The following CNTNAP2 variants were observed in gnomAD, a reference collection of about 807,000 sequenced individuals.
CNTNAP2 encodes contactin-associated protein-like 2.
In CNTNAP2, 98 loss-of-function variants were observed where a neutral mutation model predicts 155.2. That is an observed-to-expected ratio of 0.63 (90% CI 0.54 to 0.75). The LOEUF (loss-of-function observed/expected upper bound fraction) is 0.75. Ranked by LOEUF, CNTNAP2 falls within the 30% of genes least tolerant of loss-of-function variation. The pLI, the probability that CNTNAP2 is intolerant of heterozygous loss-of-function variation, is 0.00. For missense variants in CNTNAP2, 1,727 were observed against 1,688.1 expected, an observed-to-expected ratio of 1.02 and a Z score of -0.40; for synonymous variants, 651 against 631.2, an observed-to-expected ratio of 1.03 and a Z score of -0.47.
At position 146,839,275 on chromosome 7, in the gene CNTNAP2, A is replaced by G. The variant is rs924357745; in HGVS notation, c.209-436A>G. The stretch of plus-strand genomic sequence containing the variant: ...TTCTACTTTACTTCACAAGAAAAAT[A>G]TATTTTAGAATTGTGTATAATTGCT... On this transcript the variant is annotated intron_variant, in intron 2 of 23. Transcript: ENST00000361727. Among the ~76,000 whole-genome samples, 4 of 152,254 alleles carry G rather than the reference A, an allele frequency of 2.6e-5. No homozygotes were observed. In the South Asian group the frequency reaches 6.2e-4, roughly 24 times the overall value.
chr7:146,414,601 T>C (rs1212525839), intron 1 of CNTNAP2, among the ~76,000 whole-genome samples: 1 of 152,144 alleles, frequency 6.6e-6, no homozygotes, highest in Non-Finnish European at 1.5e-5. Flanking sequence ...GATCCTATTG[T>C]TATTTCGAGT....
At chr7:147,953,841 G>A (rs1385961383) in intron 14 of CNTNAP2, among the ~76,000 whole-genome samples, 1 of 152,096 alleles carries the variant, frequency 6.6e-6, no homozygotes, top group Non-Finnish European at 1.5e-5. Context: ...CATTCTCTCT[G>A]TGTTTTCTGT....
intron 3 of CNTNAP2, among the ~76,000 whole-genome samples, chr7:146,936,957 A>G (rs1563010983): frequency 6.6e-6 from 1 of 152,222 alleles, no homozygotes; most frequent in Non-Finnish European, 1.5e-5. Context: ...AATTTAAAAT[A>G]AAATAAAATG....
At chr7:146,610,563 A>C (rs1043475332) in intron 1 of CNTNAP2, among the ~76,000 whole-genome samples, 1 of 152,200 alleles carries the variant, frequency 6.6e-6, no homozygotes, top group Non-Finnish European at 1.5e-5. Flanking sequence ...GAAAGTAGTT[A>C]ATTTAATATT....
chr7:147,134,040 C>T (rs1801430062), intron 8 of CNTNAP2, among the ~76,000 whole-genome samples: 1 of 151,876 alleles, frequency 6.6e-6, no homozygotes, highest in African/African-American at 2.4e-5. Flanking sequence ...TTGAAAAACT[C>T]CCACATTATA....
chr7:147,933,037 A>G (rs186522093), intron 14 of CNTNAP2, among the ~76,000 whole-genome samples: 1 of 144,894 alleles, frequency 6.9e-6, no homozygotes, highest in Non-Finnish European at 1.5e-5. Flanking sequence ...TAGGGTGGCT[A>G]TTGGTTTTTA....
chr7:147,820,030 C>T (rs1291979693), intron 13 of CNTNAP2, among the ~76,000 whole-genome samples: 1 of 151,992 alleles, frequency 6.6e-6, no homozygotes, highest in Non-Finnish European at 1.5e-5. Context: ...AGTGGAATTG[C>T]TAGGTCATAA....
At chr7:147,474,425 T>A (rs1798280004) in intron 10 of CNTNAP2, among the ~76,000 whole-genome samples, 1 of 151,994 alleles carries the variant, frequency 6.6e-6, no homozygotes, top group Non-Finnish European at 1.5e-5. Context: ...TGAAACCCCG[T>A]CTCTACTTAA....
At chr7:147,302,239 C>G (rs1165643617) in intron 9 of CNTNAP2, among the ~76,000 whole-genome samples, 1 of 152,210 alleles carries the variant, frequency 6.6e-6, no homozygotes, top group Admixed American at 6.5e-5. Context: ...TACTGATAAT[C>G]TCTGCTGATC....
At chr7:147,601,636 T>TA (rs370619019) in intron 12 of CNTNAP2, among the ~76,000 whole-genome samples, 17,778 of 68,098 alleles carry the variant, frequency 0.26, 1,596 homozygotes, top group Middle Eastern at 0.4. Flanking sequence ...CATTGACTCT[T>TA]AAAAAAAAAT....
At chr7:146,968,293 T>A (rs1372228334) in intron 3 of CNTNAP2, among the ~76,000 whole-genome samples, 7 of 152,074 alleles carry the variant, frequency 4.6e-5, no homozygotes, top group African/African-American at 7.2e-5. Context: ...TGTCTCTGCC[T>A]GGCTTTGGTA....
chr7:146,736,504 G>A (rs764568836), intron 1 of CNTNAP2, among the ~76,000 whole-genome samples: 21 of 152,090 alleles, frequency 1.4e-4, no homozygotes, highest in Non-Finnish European at 2.2e-4. Flanking sequence ...CACATCTGAG[G>A]GAAGAACTGT....
intron 3 of CNTNAP2, among the ~76,000 whole-genome samples, chr7:146,908,272 A>G (rs1165813372): frequency 6.6e-6 from 1 of 151,156 alleles, no homozygotes; most frequent in Admixed American, 6.6e-5. Flanking sequence ...GATACCCAGG[A>G]ATTGAACTCA....
chr7:147,456,605 C>A (rs1265824297), intron 10 of CNTNAP2, among the ~76,000 whole-genome samples: 1 of 151,986 alleles, frequency 6.6e-6, no homozygotes, highest in Non-Finnish European at 1.5e-5. Context: ...GAGGAAACAT[C>A]TCAGTAGAGA....
intron 13 of CNTNAP2, among the ~76,000 whole-genome samples, chr7:147,731,828 G>C (rs576604323): frequency 6.6e-6 from 1 of 152,244 alleles, no homozygotes; most frequent in South Asian, 2.1e-4. Context: ...AACATTAACA[G>C]GAGTTTAGAA....
At chr7:146,854,214 A>AT (rs1794933552) in intron 3 of CNTNAP2, among the ~76,000 whole-genome samples, 3 of 152,208 alleles carry the variant, frequency 2.0e-5, no homozygotes. Context: ...ACCAGGGTCC[A>AT]TGTGGTTAGT....
intron 2 of CNTNAP2, among the ~76,000 whole-genome samples, chr7:146,827,050 C>G (rs1295235817): frequency 6.6e-6 from 1 of 150,998 alleles, no homozygotes; most frequent in African/African-American, 2.5e-5. Context: ...CTTACATAAT[C>G]TCTGTCGTTC....
intron 3 of CNTNAP2, among the ~76,000 whole-genome samples, chr7:146,948,477 T>C (rs1012489196): frequency 1.3e-5 from 2 of 152,204 alleles, no homozygotes; most frequent in African/African-American, 2.4e-5. Flanking sequence ...ATATTATCTC[T>C]ATACTTTTAT....
intron 3 of CNTNAP2, among the ~76,000 whole-genome samples, chr7:146,998,224 G>C (rs1474485382): frequency 1.3e-5 from 2 of 151,868 alleles, no homozygotes. Context: ...AGAATATGTT[G>C]TGTTCCCATT....
Sources: allele counts gnomAD v4.1 joint callset (sites outside exome capture counted in the v4.1 genomes callset), GRCh38; gene constraint gnomAD v4.1.1; transcripts MANE v1.5; gene names NCBI Gene and HGNC (gene_info 2026-07-23, HGNC 2026-07-21).